The following ZFYVE16 variants were observed in gnomAD, a reference collection of about 807,000 sequenced individuals.
ZFYVE16 encodes the protein zinc finger FYVE domain-containing protein 16.
A neutral mutation model predicts 138.1 loss-of-function variants in ZFYVE16; 89 were observed. The ratio of observed to expected loss-of-function variants is 0.64; its 90% CI spans 0.54 to 0.77. The LOEUF (loss-of-function observed/expected upper bound fraction) is 0.77, where lower values mean the gene tolerates loss of function less well. ZFYVE16 is among the 30% of genes least tolerant of loss of function. The probability of loss-of-function intolerance (pLI) is 0.00; values close to 1 mark genes in which losing one functional copy is unlikely to be tolerated. For synonymous variants in ZFYVE16, 596 were observed against 618.3 expected, an observed-to-expected ratio of 0.96 and a Z score of 0.53; for missense variants, 1,793 against 1,786.7, an observed-to-expected ratio of 1.00 and a Z score of -0.06.
intron 15 of ZFYVE16, among the ~76,000 whole-genome samples, chr5:80,471,521 G>A (rs1339427166): frequency 1.3e-5 from 2 of 152,080 alleles, no homozygotes; most frequent in East Asian, 1.9e-4. Flanking sequence ...CCCTCACTAA[G>A]CTACCCCTGC....
chr5:80,465,375 GGTTTCTTTTTTTTTCCTTTTCTTT>G (rs1753576492), intron 15 of ZFYVE16, among the ~76,000 whole-genome samples: 1 of 66,646 alleles, frequency 1.5e-5, no homozygotes, highest in African/African-American at 4.0e-5. Context: ...TGGCCTCCAT[GGTTTCTTTTTTTTTCCTTTTCTTT>G]GTTTTTTTTT....
rs1352413567 is a variant in ZFYVE16 at position 80,440,455 on chromosome 5, A to G, written c.2419+423A>G. On this transcript the variant is annotated intron_variant, in intron 5 of 18. Transcript: ENST00000505560. ...CACACCCTTTAGAAAATAACAACCT[A>G]AAATGAGAGTAGAAGATAAGGTGGT... is the stretch of plus-strand genomic sequence containing the variant. The G allele has an allele frequency of 6.1e-6, 6 of 985,640 alleles. No homozygotes were observed. The South Asian group carries it at 1.4e-4, about 23-fold the overall frequency. The allele number at this position is 985,640 out of a possible 1,614,324, so 61.1% of individuals were successfully genotyped here.
intron 2 of ZFYVE16, among the ~76,000 whole-genome samples, chr5:80,433,857 GAGTT>G (rs1435182079): frequency 2.0e-5 from 3 of 152,100 alleles, no homozygotes; most frequent in Admixed American, 2.0e-4. Context: ...TTTGACCCAT[GAGTT>G]ATTTAGGTAA....
At chr5:80,435,914 T>G in intron 3 of ZFYVE16, 1 of 201,400 alleles carries the variant, frequency 5.0e-6, no homozygotes, top group South Asian at 5.4e-5. Flanking sequence ...TTTATCACTT[T>G]ATGATATCTA....
intron 5 of ZFYVE16, chr5:80,440,855 G>A: frequency 2.0e-6 from 2 of 985,070 alleles, no homozygotes; most frequent in Non-Finnish European, 2.4e-6. Context: ...TGTTAGCCAG[G>A]GGAATGAATA....
In ZFYVE16 at chr5:80,437,197, A is replaced by G; in HGVS notation, c.512A>G (p.Asp171Gly). The G allele has an allele frequency of 6.2e-7, 1 of 1,614,034 alleles. No individual in the cohort carries two copies. Among genetic ancestry groups the G allele is most frequent in the South Asian group, 1.1e-5 (1 of 91,078 alleles). The change falls in exon 4 of 19, where the codon GAT becomes GGT. Residue 171 changes from aspartate (D) to glycine (G), a missense_variant. Physicochemically the swap from Asp to Gly is moderately conservative, Grantham distance 94 (BLOSUM62 -1). Coordinates refer to ENST00000505560, the MANE Select transcript of ZFYVE16 (RefSeq NM_001284236.3). ...GGATTGGATTTATCTTCAGTGTCAG[A>G]TACTCCCTGTGTTTCTTCAACAGAC... is the stretch of plus-strand genomic sequence containing the variant. ...LIGLDLSSVSDTPCVSSTDHD... is the reference protein window; with the variant it reads ...LIGLDLSSVSGTPCVSSTDHD...
intron 16 of ZFYVE16, 90 bp downstream of exon 16, chr5:80,473,013 C>A: frequency 1.8e-6 from 2 of 1,141,688 alleles, no homozygotes; most frequent in Non-Finnish European, 2.4e-6. Context: ...ATTTTATGAA[C>A]GAATATATAC....
In ZFYVE16 at chr5:80,437,514, T is replaced by C. The variant is rs768598513; in HGVS notation, c.829T>C (p.Leu277=). The C allele has an allele frequency of 6.2e-7, 1 of 1,613,398 alleles. No individual in the cohort carries two copies. The highest frequency in any genetic ancestry group is 8.5e-7 in the Non-Finnish European group (1 of 1,179,848). The change falls in exon 4 of 19, where the codon TTA becomes CTA. Residue 277 remains leucine (L), a synonymous_variant. Coordinates refer to ENST00000505560, the MANE Select transcript of ZFYVE16 (RefSeq NM_001284236.3). The part of the protein sequence containing the change: ...QPCGLLKDVG[L]VKEEVDVAVI... Reference sequence around the variant, plus strand: ...ATGTGGATTACTAAAAGATGTTGGCTTAGTAAAAGAGGAAGTAGATGTGGC... The same window carrying C: ...ATGTGGATTACTAAAAGATGTTGGCCTAGTAAAAGAGGAAGTAGATGTGGC...
intron 1 of ZFYVE16, among the ~76,000 whole-genome samples, chr5:80,419,240 A>C (rs1338276113): frequency 6.6e-6 from 1 of 151,772 alleles, no homozygotes; most frequent in Non-Finnish European, 1.5e-5. Context: ...CACCATGTCC[A>C]GCTTATTTTT....
intron 14 of ZFYVE16, among the ~76,000 whole-genome samples, chr5:80,458,615 G>C (rs1752778661): frequency 1.3e-5 from 2 of 152,014 alleles, no homozygotes; most frequent in South Asian, 4.1e-4. Flanking sequence ...GTCCCTTATT[G>C]ATGGGCATAA....
rs1033895337 is a variant in ZFYVE16 at position 80,478,332 on chromosome 5, C to G, written c.*955C>G. Reference sequence around the variant, plus strand: ...ATCCTTAGAAATTTCTTGGCAACTTCGCATATTTTCATTGACACCAGTGTA... The same window carrying G: ...ATCCTTAGAAATTTCTTGGCAACTTGGCATATTTTCATTGACACCAGTGTA... On this transcript the variant is annotated 3_prime_UTR_variant, in exon 19 of 19. Transcript: ENST00000505560. The G allele has an allele frequency of 1.3e-5, 2 of 151,892 alleles. No individual in the cohort carries two copies. The highest frequency in any genetic ancestry group is 4.8e-5 in the African/African-American group (2 of 41,374). 9.4% of individuals were successfully genotyped at this position (151,892 alleles called of 1,614,324 possible). A position where few individuals can be genotyped will look rare whatever the true frequency, so the allele number is the denominator to read the frequency against.
intron 1 of ZFYVE16, among the ~76,000 whole-genome samples, chr5:80,420,470 G>A (rs1334216558): frequency 2.0e-5 from 3 of 151,962 alleles, no homozygotes; most frequent in East Asian, 3.9e-4. Flanking sequence ...GACAGGCCCT[G>A]GTGTGTGATG....
rs1021723426 is a variant in ZFYVE16 at position 80,437,356 on chromosome 5, C to T, written c.671C>T (p.Thr224Ile). ...TCAGATTCCTATAATTACAGTGGAA[C>T]AGAAAATTTAAAAGATAAAAAGATC... ...TLSDSYNYSG[T>I]ENLKDKKIFN... is the part of the protein sequence containing the mutation. The change falls in exon 4 of 19, where the codon ACA becomes ATA. Residue 224 changes from threonine (T) to isoleucine (I), a missense_variant. Coordinates refer to ENST00000505560, the MANE Select transcript of ZFYVE16 (RefSeq NM_001284236.3). 4 of 1,601,538 alleles carry T rather than the reference C, an allele frequency of 2.5e-6. No individual in the cohort carries two copies. Among genetic ancestry groups the T allele is most frequent in the Non-Finnish European group, 3.4e-6 (4 of 1,175,720 alleles).
chr5:80,428,049 C>T (rs926324709), intron 2 of ZFYVE16, among the ~76,000 whole-genome samples: 6 of 151,246 alleles, frequency 4.0e-5, no homozygotes, highest in African/African-American at 1.2e-4. Context: ...CAGCTCCCAG[C>T]GTGAGCGACA....
intron 1 of ZFYVE16, among the ~76,000 whole-genome samples, chr5:80,422,585 G>C (rs1264345477): frequency 1.3e-5 from 2 of 152,018 alleles, no homozygotes; most frequent in Non-Finnish European, 2.9e-5. Context: ...CTTCTGAGTA[G>C]CTGGGATTAC....
Position 80,438,238 on chromosome 5 carries a change from TTGA to T in ZFYVE16, c.1557_1559del (p.Asp519del), listed in dbSNP as rs750357422. ...GGGCAAGACTTAGATTACTTTAATA[TTGA>T]TGAAGGCGCAAAAAGTGGCCCACTA... On this transcript the variant is annotated inframe_deletion, in exon 4 of 19. Coordinates refer to ENST00000505560, the MANE Select transcript of ZFYVE16 (RefSeq NM_001284236.3). 4 of 1,613,920 alleles carry T rather than the reference TTGA, an allele frequency of 2.5e-6. No homozygotes were observed. The highest frequency in any genetic ancestry group is 3.3e-5 in the Admixed American group (2 of 59,972).
intron 15 of ZFYVE16, among the ~76,000 whole-genome samples, chr5:80,466,395 T>C (rs249023): frequency 0.82 from 124,039 of 152,188 alleles, 53,203 homozygotes; most frequent in Non-Finnish European, 0.94. Context: ...AGTGAAGTTT[T>C]CATTTTAATT....
intron 18 of ZFYVE16, among the ~76,000 whole-genome samples, chr5:80,476,309 T>A (rs1030292975): frequency 2.0e-5 from 3 of 152,130 alleles, no homozygotes; most frequent in Non-Finnish European, 2.9e-5. Context: ...TGAAAAATAA[T>A]ACCACATTAT....
rs1329793763 is a variant in ZFYVE16, at chr5:80,426,232, G to C, written c.-93-1260G>C. Among the ~76,000 whole-genome samples the C allele has an allele frequency of 9.4e-4, 130 of 137,594 alleles. No individual in the cohort carries two copies. In the South Asian group the frequency reaches 9.6e-3, roughly 10 times the overall value. 90.3% of individuals were successfully genotyped at this position (137,594 alleles called of 152,430 possible). ...TGTGTGTGTGTGTGTGTGTGTGTAT[G>C]TGTGTGTGTCTGTGTGTGTGTGTGT... On this transcript the variant is annotated intron_variant, in intron 1 of 18. Coordinates refer to ENST00000505560, the MANE Select transcript of ZFYVE16 (RefSeq NM_001284236.3).
Sources: gnomAD v4.1 joint callset for allele counts (sites outside exome capture counted in the v4.1 genomes callset) on GRCh38, gnomAD v4.1.1 for gene constraint, MANE v1.5 for transcripts, NCBI Gene and HGNC (gene_info 2026-07-23, HGNC 2026-07-21) for gene names.